DLGAP1: variants seen among roughly 807,000 people sequenced by gnomAD.
DLGAP1 encodes the protein DLG associated protein 1.
A neutral mutation model predicts 90.8 loss-of-function variants in DLGAP1; 11 were observed. That is an observed-to-expected ratio of 0.12 (90% CI 0.08 to 0.20). DLGAP1 has a LOEUF of 0.20. Ranked by LOEUF, DLGAP1 falls within the 10% of genes least tolerant of loss-of-function variation. The pLI, the probability that DLGAP1 is intolerant of heterozygous loss-of-function variation, is 1.00. For synonymous variants in DLGAP1, 558 were observed against 540.7 expected, an observed-to-expected ratio of 1.03 and a Z score of -0.44; for missense variants, 1,050 against 1,333.8, an observed-to-expected ratio of 0.79 and a Z score of 3.31.
chr18:4,025,822 C>T (rs2074690262), intron 2 of DLGAP1, among the ~76,000 whole-genome samples: 1 of 152,120 alleles, frequency 6.6e-6, no homozygotes, highest in African/African-American at 2.4e-5. Context: ...CTAAGGGATT[C>T]TTCAAACTGA....
intron 2 of DLGAP1, among the ~76,000 whole-genome samples, chr18:4,041,735 T>C (rs2074977884): frequency 6.6e-6 from 1 of 152,192 alleles, no homozygotes; most frequent in Non-Finnish European, 1.5e-5. Flanking sequence ...GTTGGATTCA[T>C]GGGAAAGTCC....
At chr18:3,961,517 T>G (rs1333301971) in intron 3 of DLGAP1, among the ~76,000 whole-genome samples, 17 of 150,732 alleles carry the variant, frequency 1.1e-4, no homozygotes, top group Non-Finnish European at 1.5e-5. Context: ...CCCCACCCAT[T>G]TCTCTTCCCA....
At chr18:4,129,319 G>A (rs1327920636) in intron 2 of DLGAP1, among the ~76,000 whole-genome samples, 1 of 152,092 alleles carries the variant, frequency 6.6e-6, no homozygotes, top group African/African-American at 2.4e-5. Flanking sequence ...CTAAATTCAA[G>A]TATTACACAC....
Position 3,921,923 on chromosome 18 carries a change from T to C in DLGAP1, c.-72-41783A>G, listed in dbSNP as rs557471021. Among the ~76,000 whole-genome samples, 34 of 151,992 alleles carry C rather than the reference T, an allele frequency of 2.2e-4. 1 individual carries two copies. The South Asian group carries it at 7.1e-3, about 32-fold the overall frequency. ...CACAGTTAGATATGAGGTTCTGGAGTTCAGGAAGAGTGCTCTATTGAGAGA... is the reference window on the plus strand; with the variant it reads ...CACAGTTAGATATGAGGTTCTGGAGCTCAGGAAGAGTGCTCTATTGAGAGA... On this transcript the variant is annotated intron_variant, in intron 3 of 12. Coordinates refer to ENST00000315677, the MANE Select transcript of DLGAP1 (RefSeq NM_004746.4).
chr18:4,110,801 C>G (rs141917208), intron 2 of DLGAP1, among the ~76,000 whole-genome samples: 5 of 152,236 alleles, frequency 3.3e-5, no homozygotes, highest in African/African-American at 4.8e-5. Context: ...ATATTTTTCA[C>G]TCTTTGCACA....
At chr18:4,306,005 T>TAC (rs375614632) in intron 1 of DLGAP1, among the ~76,000 whole-genome samples, 1,739 of 121,460 alleles carry the variant, frequency 0.014, 31 homozygotes, top group African/African-American at 0.049. Context: ...CCCAAAACAT[T>TAC]ACACACACAC....
At chr18:3,950,596 G>GTGAA (rs1009576544) in intron 3 of DLGAP1, among the ~76,000 whole-genome samples, 10 of 152,306 alleles carry the variant, frequency 6.6e-5, no homozygotes, top group South Asian at 2.1e-4. Flanking sequence ...AGTCAAATGA[G>GTGAA]TGAATGAATG....
intron 4 of DLGAP1, chr18:3,822,112 AG>A (rs1194376880): frequency 1.8e-6 from 1 of 560,268 alleles, no homozygotes; most frequent in African/African-American, 2.1e-5. Context: ...CCCAATCAGG[AG>A]AAGATTTCCC....
rs1555621484 is a variant in DLGAP1 at position 4,454,406 on chromosome 18, T to TTCTCTCTCTCTCTCTCTC, written c.-267+582_-267+599dup. Among the ~76,000 whole-genome samples, 1 of 150,558 alleles carries TTCTCTCTCTCTCTCTCTC rather than the reference T, an allele frequency of 6.6e-6. No homozygotes were observed. The highest frequency in any genetic ancestry group is 1.5e-5 in the Non-Finnish European group (1 of 67,496). ...CAGTGACCTCCTCCTTGGACCCCAT[T>TTCTCTCTCTCTCTCTCTC]TCTCTCTCTCTCTCTCTCTCTGTGC... On this transcript the variant is annotated intron_variant, in intron 1 of 12. Transcript: ENST00000315677. The surrounding 1 kb of genome is among the most constrained non-coding windows in gnomAD (Gnocchi z 4.7).
Position 4,161,894 on chromosome 18 carries a change from A to G in DLGAP1, c.-266-10607T>C, listed in dbSNP as rs150503430. Among the ~76,000 whole-genome samples the G allele has an allele frequency of 3.4e-3, 511 of 152,332 alleles. 4 individuals are homozygous for G. Among genetic ancestry groups the G allele is most frequent in the African/African-American group, 0.012 (483 of 41,566 alleles). ...AAAGCACAGAGAGATTAAGTGGCACACCTAAGATGACACAGTAAATTCATA... is the reference window on the plus strand; with the variant it reads ...AAAGCACAGAGAGATTAAGTGGCACGCCTAAGATGACACAGTAAATTCATA... On this transcript the variant is annotated intron_variant, in intron 1 of 12. Coordinates refer to ENST00000315677, the MANE Select transcript of DLGAP1 (RefSeq NM_004746.4).
intron 9 of DLGAP1, among the ~76,000 whole-genome samples, chr18:3,558,989 G>A (rs2053919117): frequency 6.6e-6 from 1 of 152,116 alleles, no homozygotes; most frequent in South Asian, 2.1e-4. Context: ...CTAGTATATT[G>A]ACTTTGGAAA....
At chr18:3,947,317 C>T (rs1026666484) in intron 3 of DLGAP1, among the ~76,000 whole-genome samples, 1 of 152,224 alleles carries the variant, frequency 6.6e-6, no homozygotes, top group African/African-American at 2.4e-5. Flanking sequence ...ACAAACTAGG[C>T]TTGTCTGATC....
At chr18:3,772,346 C>CTTTCTTTCTT (rs1393398497) in intron 5 of DLGAP1, among the ~76,000 whole-genome samples, 2 of 14,216 alleles carry the variant, frequency 1.4e-4, no homozygotes, top group Non-Finnish European at 3.0e-4. Context: ...CTCTCTCTCT[C>CTTTCTTTCTT]TCTTTCTTTC....
At chr18:3,762,177 A>G (rs1274175787) in intron 5 of DLGAP1, among the ~76,000 whole-genome samples, 1 of 152,204 alleles carries the variant, frequency 6.6e-6, no homozygotes, top group Non-Finnish European at 1.5e-5. Context: ...TTAAAACTCA[A>G]TATAATATTG....
At chr18:3,985,106 C>T (rs182815232) in intron 3 of DLGAP1, among the ~76,000 whole-genome samples, 1 of 152,142 alleles carries the variant, frequency 6.6e-6, no homozygotes, top group Non-Finnish European at 1.5e-5. Flanking sequence ...AACCCTTATT[C>T]AAAGATACCA....
intron 3 of DLGAP1, chr18:3,962,472 T>TA (rs2073221942): frequency 6.6e-6 from 1 of 152,228 alleles, no homozygotes; most frequent in Non-Finnish European, 1.5e-5. Context: ...CCTGGAACCT[T>TA]TATATATTCA....
At chr18:3,768,436 T>A (rs989394367) in intron 5 of DLGAP1, among the ~76,000 whole-genome samples, 1 of 152,126 alleles carries the variant, frequency 6.6e-6, no homozygotes, top group Non-Finnish European at 1.5e-5. Context: ...TTTTTGTAGA[T>A]ATAGACAAGA....
intron 5 of DLGAP1, among the ~76,000 whole-genome samples, chr18:3,773,081 G>A (rs2064769677): frequency 6.6e-6 from 1 of 152,130 alleles, no homozygotes; most frequent in South Asian, 2.1e-4. Context: ...TGAGCTCCTT[G>A]TGTATTCTTA....
intron 3 of DLGAP1, chr18:3,977,845 G>A (rs1348063520): frequency 2.6e-6 from 1 of 391,562 alleles, no homozygotes; most frequent in Non-Finnish European, 5.0e-6. Flanking sequence ...GCCCTCAAGG[G>A]TCCCCTCTGA....
Sources: allele counts gnomAD v4.1 joint callset (sites outside exome capture counted in the v4.1 genomes callset), GRCh38; gene constraint gnomAD v4.1.1; non-coding constraint Gnocchi (gnomAD v3.1); transcripts MANE v1.5; gene names NCBI Gene and HGNC (gene_info 2026-07-23, HGNC 2026-07-21).